TTC39B: variants seen among roughly 807,000 people sequenced by gnomAD.
The protein encoded by TTC39B is tetratricopeptide repeat domain 39B.
Under a neutral mutation model 96.6 loss-of-function variants are expected in TTC39B, and 92 were observed. The ratio of observed to expected loss-of-function variants is 0.95; its 90% CI spans 0.80 to 1.13. The LOEUF (loss-of-function observed/expected upper bound fraction) is 1.13. Among genes scored for constraint, TTC39B ranks in the 50% most tolerant of loss-of-function variants. The pLI is 0.00. For missense variants in TTC39B, 955 were observed against 809.3 expected (o/e 1.18, Z -2.18); for synonymous variants, 367 against 299.4 (o/e 1.23, Z -2.33).
chr9:15,202,521 G>T (rs1819600210), intron 7 of TTC39B, among the ~76,000 whole-genome samples: 1 of 152,136 alleles, frequency 6.6e-6, no homozygotes, highest in African/African-American at 2.4e-5. Flanking sequence ...AGACCAGCCT[G>T]ACCAATATGG....
chr9:15,215,365 C>G (rs979407762), intron 3 of TTC39B, among the ~76,000 whole-genome samples: 1 of 152,064 alleles, frequency 6.6e-6, no homozygotes, highest in Non-Finnish European at 1.5e-5. Flanking sequence ...AGAGACCACC[C>G]TGACCAACAT....
chr9:15,165,770 G>GC (rs1817506744), exon 20 of TTC39B: 1 of 152,182 alleles, frequency 6.6e-6, no homozygotes, highest in East Asian at 1.9e-4. Flanking sequence ...GGGGAAAACT[G>GC]CCCCCATGAT....
chr9:15,223,801 C>T (rs1443390694), intron 3 of TTC39B, among the ~76,000 whole-genome samples: 4 of 151,202 alleles, frequency 2.6e-5, no homozygotes, highest in Non-Finnish European at 4.4e-5. Context: ...AATTGAAATG[C>T]TCCAAAATCT....
At chr9:15,246,306 T>C (rs471321) in intron 2 of TTC39B, among the ~76,000 whole-genome samples, 4,474 of 152,040 alleles carry the variant, frequency 0.029, 235 homozygotes, top group African/African-American at 0.1. Context: ...AACATTTTGG[T>C]TAATGTCTTG....
intron 2 of TTC39B, among the ~76,000 whole-genome samples, chr9:15,231,124 T>C (rs560386450): frequency 7.9e-5 from 12 of 152,364 alleles, no homozygotes; most frequent in African/African-American, 2.9e-4. Context: ...GTTTGACATT[T>C]TGAAGAACTA....
chr9:15,249,707 G>T, intron 2 of TTC39B: 1 of 223,734 alleles, frequency 4.5e-6, no homozygotes, highest in Non-Finnish European at 8.4e-6. Flanking sequence ...TTTTAAAAAG[G>T]TTGGGGGGAG....
At chr9:15,222,310 T>G (rs1820888878) in intron 3 of TTC39B, among the ~76,000 whole-genome samples, 1 of 152,202 alleles carries the variant, frequency 6.6e-6, no homozygotes, top group African/African-American at 2.4e-5. Context: ...CATAAAATTA[T>G]CATCTTAACC....
At chr9:15,284,191 G>A (rs1460774820) in intron 1 of TTC39B, among the ~76,000 whole-genome samples, 1 of 152,182 alleles carries the variant, frequency 6.6e-6, no homozygotes, top group South Asian at 2.1e-4. Context: ...GTGGAAATGT[G>A]CACGTAAAAA....
At chr9:15,231,733 T>C (rs1167653689) in intron 2 of TTC39B, among the ~76,000 whole-genome samples, 1 of 152,170 alleles carries the variant, frequency 6.6e-6, no homozygotes, top group African/African-American at 2.4e-5. Flanking sequence ...TCCTGCGCAA[T>C]GAGATAAAAG....
In TTC39B at chr9:15,234,926, A is replaced by G. The variant is rs371243437; in HGVS notation, c.276-8914T>C. 1.4e-3 allele frequency among the ~76,000 whole-genome samples: 209 copies of G among 151,886 alleles called. 2 individuals carry two copies. In the East Asian group the frequency reaches 0.029, roughly 21 times the overall value. On this transcript the variant is annotated intron_variant, in intron 2 of 19. Coordinates refer to ENST00000512701, the Ensembl canonical transcript of TTC39B. ...GCAGGGTCCTCTGCCTAGGAAAACCAGAGACCTTTGTTCACTTGTTTATCT... is the reference window on the plus strand; with the variant it reads ...GCAGGGTCCTCTGCCTAGGAAAACCGGAGACCTTTGTTCACTTGTTTATCT...
chr9:15,183,942 C>G (rs1818383105), intron 16 of TTC39B, among the ~76,000 whole-genome samples: 1 of 152,158 alleles, frequency 6.6e-6, no homozygotes, highest in African/African-American at 2.4e-5. Flanking sequence ...TAGGAAACAC[C>G]TGGACCTAGG....
intron 2 of TTC39B, among the ~76,000 whole-genome samples, chr9:15,260,301 G>T (rs1822899270): frequency 6.8e-6 from 1 of 147,498 alleles, no homozygotes. Flanking sequence ...CCTTCCTTAG[G>T]AATATATAAG....
intron 4 of TTC39B, among the ~76,000 whole-genome samples, chr9:15,212,441 T>C (rs1259893501): frequency 1.3e-5 from 2 of 152,240 alleles, no homozygotes; most frequent in Admixed American, 6.5e-5. Context: ...TTAATTTTTT[T>C]TGAGACAGAG....
At chr9:15,185,322 G>A (rs72700616) in exon 16 of TTC39B, 430 of 1,613,700 alleles carry the variant, frequency 2.7e-4, no homozygotes, top group Non-Finnish European at 3.4e-4. Context: ...GTAAGGAGGC[G>A]GAGTAACGCC....
chr9:15,246,206 T>C lies in TTC39B; in HGVS notation c.276-20194A>G, dbSNP rs1822267566. Reference sequence around the variant, plus strand: ...AGGCAGAGGTTGTGGTGAGCCGAGATCACGCCATTGCACTCCAGCCTGGGC... The same window carrying C: ...AGGCAGAGGTTGTGGTGAGCCGAGACCACGCCATTGCACTCCAGCCTGGGC... On this transcript the variant is annotated intron_variant, in intron 2 of 19. Coordinates refer to ENST00000512701, the Ensembl canonical transcript of TTC39B. Among the ~76,000 whole-genome samples the C allele has an allele frequency of 1.3e-5, 2 of 152,100 alleles. 1 individual carries two copies. Among genetic ancestry groups the C allele is most frequent in the South Asian group, 4.1e-4 (2 of 4,828 alleles).
chr9:15,300,761 C>T (rs1431338882), intron 1 of TTC39B, among the ~76,000 whole-genome samples: 3 of 152,044 alleles, frequency 2.0e-5, no homozygotes, highest in Non-Finnish European at 2.9e-5. Flanking sequence ...TAGCAGGCAC[C>T]TGTAATCCCA....
intron 1 of TTC39B, among the ~76,000 whole-genome samples, chr9:15,272,437 G>C (rs1340645407): frequency 6.6e-6 from 1 of 152,156 alleles, no homozygotes; most frequent in African/African-American, 2.4e-5. Flanking sequence ...CATAAGTAAA[G>C]TAAGACAGGA....
At chr9:15,181,888 T>C (rs1332209847) in intron 17 of TTC39B, among the ~76,000 whole-genome samples, 1 of 152,144 alleles carries the variant, frequency 6.6e-6, no homozygotes, top group Non-Finnish European at 1.5e-5. Context: ...TTTTAGGATA[T>C]TCACAGAGTT....
intron 1 of TTC39B, among the ~76,000 whole-genome samples, chr9:15,299,548 C>G (rs1824502907): frequency 1.3e-5 from 2 of 152,036 alleles, no homozygotes; most frequent in South Asian, 2.1e-4. Context: ...AAGGAGAGTG[C>G]TGACTAAGGT....
Sources: allele counts gnomAD v4.1 joint callset (sites outside exome capture counted in the v4.1 genomes callset), GRCh38; gene constraint gnomAD v4.1.1; transcripts MANE v1.5; gene names NCBI Gene and HGNC (gene_info 2026-07-23, HGNC 2026-07-21).